Variants in PAFAH1B2 observed in about 807,000 individuals in gnomAD.
PAFAH1B2 encodes platelet activating factor acetylhydrolase 1b catalytic subunit 2.
PAFAH1B2 carries 8 observed loss-of-function variants against 28.0 expected under a neutral mutation model. That is an observed-to-expected ratio of 0.29 (90% CI 0.17 to 0.52). The LOEUF is 0.52. Among genes scored for constraint, PAFAH1B2 ranks in the 20% least tolerant of loss-of-function variants. PAFAH1B2 has a pLI of 0.97. For synonymous variants in PAFAH1B2, 104 were observed against 103.2 expected (o/e 1.01, Z -0.05); for missense variants, 190 against 282.6 (o/e 0.67, Z 2.35).
chr11:117,175,244 A>C (rs1173340610), downstream of PAFAH1B2: 2 of 1,085,516 alleles, frequency 1.8e-6, no homozygotes, highest in African/African-American at 3.2e-5. Context: ...CACATCCCTG[A>C]GGCCCCGACA....
At chr11:117,166,048 C>A (rs1416882682) in intron 5 of PAFAH1B2, among the ~76,000 whole-genome samples, 1 of 152,094 alleles carries the variant, frequency 6.6e-6, no homozygotes, top group African/African-American at 2.4e-5. Flanking sequence ...ACCATATTGG[C>A]CAGGCTGGTC....
chr11:117,171,764 T>A, downstream of PAFAH1B2: 1 of 1,532,190 alleles, frequency 6.5e-7, no homozygotes, highest in Non-Finnish European at 8.7e-7. Flanking sequence ...GGTATGCCGG[T>A]ATGATGTTCC....
chr11:117,158,118 A>G (rs1956292798), intron 2 of PAFAH1B2, among the ~76,000 whole-genome samples: 1 of 152,230 alleles, frequency 6.6e-6, no homozygotes, highest in Non-Finnish European at 1.5e-5. Flanking sequence ...AGCCTGAGTG[A>G]TAAAGTGAGA....
At position 117,168,673 on chromosome 11, in the gene PAFAH1B2, T is replaced by G. The variant is rs775200829; in HGVS notation, c.*974T>G. ...TTTTTCCCTTAAAACCTGTTAACAG[T>G]TTTTTTTGGGGGTGGGGGGATTCAG... On this transcript the variant is annotated 3_prime_UTR_variant, in exon 6 of 6. Transcript: ENST00000527958. 69 of 1,057,198 alleles carry G rather than the reference T, an allele frequency of 6.5e-5. No individual in the cohort carries two copies. Among genetic ancestry groups the G allele is most frequent in the Non-Finnish European group, 7.8e-5 (68 of 873,708 alleles). 65.5% of individuals were successfully genotyped at this position (1,057,198 alleles called of 1,614,324 possible).
At chr11:117,166,349 T>C (rs6589602) in intron 5 of PAFAH1B2, among the ~76,000 whole-genome samples, 68,918 of 152,136 alleles carry the variant, frequency 0.45, 18,199 homozygotes, top group Non-Finnish European at 0.61. Context: ...ATATTTGTTG[T>C]ATGAATGTTG....
In PAFAH1B2 at chr11:117,170,300, AT is replaced by A. The variant is rs1157357963; in HGVS notation, c.*2603del. ...TTTCCAGGCAGCTAGCAGAGATACT[AT>A]TCTCTTCCTCTCCCAGCAAATTTGT... On this transcript the variant is annotated 3_prime_UTR_variant, in exon 6 of 6. Transcript: ENST00000527958. 4.7e-6 allele frequency: 5 copies of A among 1,058,384 alleles called. No individual in the cohort carries two copies. The highest frequency in any genetic ancestry group is 1.7e-5 in the African/African-American group (1 of 60,330). The allele number at this position is 1,058,384 out of a possible 1,614,324, so 65.6% of individuals were successfully genotyped here.
At chr11:117,146,202 AC>A (rs1956004272) in intron 1 of PAFAH1B2, among the ~76,000 whole-genome samples, 1 of 149,104 alleles carries the variant, frequency 6.7e-6, no homozygotes, top group Non-Finnish European at 1.5e-5. Flanking sequence ...ACTCACTACA[AC>A]CTCTGCCTCC....
intron 2 of PAFAH1B2, among the ~76,000 whole-genome samples, chr11:117,156,769 T>G (rs77166325): frequency 6.6e-6 from 1 of 152,126 alleles, no homozygotes; most frequent in African/African-American, 2.4e-5. Flanking sequence ...GCCTGTGATC[T>G]CTCAGCACCT....
At chr11:117,150,635 T>C (rs1956127176) in intron 1 of PAFAH1B2, among the ~76,000 whole-genome samples, 1 of 152,166 alleles carries the variant, frequency 6.6e-6, no homozygotes. Context: ...GCTTTGGCAA[T>C]GTAGTGTGTT....
intron 1 of PAFAH1B2, among the ~76,000 whole-genome samples, chr11:117,152,001 G>A (rs1365835771): frequency 6.6e-6 from 1 of 152,170 alleles, no homozygotes; most frequent in Non-Finnish European, 1.5e-5. Context: ...GAGCCACTGT[G>A]CAGGGCCAGT....
At chr11:117,152,727 A>G (rs1956179997) in intron 2 of PAFAH1B2, among the ~76,000 whole-genome samples, 199 bp downstream of exon 2, 1 of 152,182 alleles carries the variant, frequency 6.6e-6, no homozygotes. Flanking sequence ...TTCTTCAATT[A>G]TTTTAAGGTC....
At chr11:117,156,143 A>G (rs151336191) in intron 2 of PAFAH1B2, among the ~76,000 whole-genome samples, 1 of 152,342 alleles carries the variant, frequency 6.6e-6, no homozygotes, top group East Asian at 1.9e-4. Context: ...AGCTGTGATC[A>G]TGCACTGCAC....
chr11:117,156,991 C>T (rs1211753777), intron 2 of PAFAH1B2, among the ~76,000 whole-genome samples: 11 of 143,656 alleles, frequency 7.7e-5, no homozygotes, highest in Non-Finnish European at 1.6e-4. Context: ...CACTGTACTC[C>T]AGTAGTCTGG....
downstream of PAFAH1B2, chr11:117,171,083 GA>G: frequency 2.9e-6 from 3 of 1,019,796 alleles, no homozygotes; most frequent in South Asian, 9.3e-5. Flanking sequence ...TCATAGTTTG[GA>G]TTCTAATGAA....
At chr11:117,156,389 G>T (rs777872834) in intron 2 of PAFAH1B2, among the ~76,000 whole-genome samples, 2 of 152,116 alleles carry the variant, frequency 1.3e-5, no homozygotes, top group South Asian at 2.1e-4. Flanking sequence ...CACAAATTAT[G>T]TACTTTCTTA....
chr11:117,174,467 A>C (rs923518361), downstream of PAFAH1B2, among the ~76,000 whole-genome samples: 1 of 149,074 alleles, frequency 6.7e-6, no homozygotes, highest in African/African-American at 2.5e-5. Context: ...TACAGGCGTG[A>C]GTCACCGCCC....
At chr11:117,145,797 T>A (rs1322001649) in intron 1 of PAFAH1B2, among the ~76,000 whole-genome samples, 5 of 152,110 alleles carry the variant, frequency 3.3e-5, no homozygotes, top group African/African-American at 1.2e-4. Flanking sequence ...TTCAACTTTC[T>A]TCATCTGTTT....
At chr11:117,161,345 G>T in intron 4 of PAFAH1B2, 84 bp downstream of exon 4, 2 of 881,560 alleles carry the variant, frequency 2.3e-6, no homozygotes, top group East Asian at 2.8e-5. Flanking sequence ...AAAAAAAATT[G>T]CTTCTTTAAA....
intron 1 of PAFAH1B2, among the ~76,000 whole-genome samples, chr11:117,148,874 CATTT>C (rs1407199895): frequency 6.6e-6 from 1 of 151,958 alleles, no homozygotes; most frequent in Non-Finnish European, 1.5e-5. Context: ...AATCTCAGAA[CATTT>C]ATTTACTTAG....
Sources: allele counts gnomAD v4.1 joint callset (sites outside exome capture counted in the v4.1 genomes callset), GRCh38; gene constraint gnomAD v4.1.1; transcripts MANE v1.5; gene names NCBI Gene and HGNC (gene_info 2026-07-23, HGNC 2026-07-21).